RIMS1: variants seen among roughly 807,000 people sequenced by gnomAD.
RIMS1 encodes the protein regulating synaptic membrane exocytosis protein 1.
A neutral mutation model predicts 214.1 loss-of-function variants in RIMS1; 83 were observed. The observed-to-expected ratio is 0.39, with a 90% CI of 0.32 to 0.47. The LOEUF (loss-of-function observed/expected upper bound fraction) is 0.47. Among genes scored for constraint, RIMS1 ranks in the 20% least tolerant of loss-of-function variants. The pLI is 0.99. For missense variants in RIMS1, 2,050 were observed against 2,161.8 expected, an observed-to-expected ratio of 0.95 and a Z score of 1.03; for synonymous variants, 793 against 786.8, an observed-to-expected ratio of 1.01 and a Z score of -0.13.
intron 28 of RIMS1, chr6:72,317,073 G>A (rs1422244954): frequency 7.1e-6 from 3 of 424,386 alleles, no homozygotes; most frequent in Middle Eastern, 1.3e-3. Context: ...AGGAGGGCAG[G>A]GGTGGGGTGG....
intron 1 of RIMS1, among the ~76,000 whole-genome samples, chr6:71,933,041 A>G (rs748932396): frequency 6.6e-6 from 1 of 152,176 alleles, no homozygotes; most frequent in Non-Finnish European, 1.5e-5. Flanking sequence ...AGGAATTTGC[A>G]TTCTAGTGAT....
chr6:72,031,639 T>C (rs1163153512), intron 2 of RIMS1, among the ~76,000 whole-genome samples: 1 of 152,088 alleles, frequency 6.6e-6, no homozygotes, highest in Non-Finnish European at 1.5e-5. Context: ...CCTACGGCAT[T>C]ATGGTCCAGC....
intron 2 of RIMS1, among the ~76,000 whole-genome samples, chr6:71,997,261 C>G (rs550522603): frequency 3.3e-5 from 5 of 152,148 alleles, no homozygotes; most frequent in Non-Finnish European, 7.4e-5. Context: ...TCAAATTTAG[C>G]TTCATTTTAG....
At chr6:72,134,805 T>G (rs2041010568) in intron 4 of RIMS1, among the ~76,000 whole-genome samples, 1 of 152,108 alleles carries the variant, frequency 6.6e-6, no homozygotes, top group Admixed American at 6.6e-5. Flanking sequence ...TAAAAATACA[T>G]TCTCCCTCAT....
At chr6:72,293,747 T>C in intron 26 of RIMS1, among the ~76,000 whole-genome samples, 1 of 151,776 alleles carries the variant, frequency 6.6e-6, no homozygotes, top group Non-Finnish European at 1.5e-5. Flanking sequence ...GTATTGTATG[T>C]TGGATTTTGG....
At chr6:72,065,103 A>G (rs1828957413) in intron 2 of RIMS1, among the ~76,000 whole-genome samples, 1 of 152,196 alleles carries the variant, frequency 6.6e-6, no homozygotes, top group Non-Finnish European at 1.5e-5. Flanking sequence ...GTGATTAGAG[A>G]ACATGTCCTG....
At chr6:72,005,303 G>A (rs552634981) in intron 2 of RIMS1, among the ~76,000 whole-genome samples, 120 of 152,252 alleles carry the variant, frequency 7.9e-4, no homozygotes, top group African/African-American at 2.7e-3. Flanking sequence ...GTCAGGTAGC[G>A]TGATGCCTCC....
chr6:72,009,538 T>C (rs1809431951), intron 2 of RIMS1, among the ~76,000 whole-genome samples: 2 of 150,698 alleles, frequency 1.3e-5, no homozygotes, highest in Non-Finnish European at 3.0e-5. Context: ...ATCCAGGAGC[T>C]GGTTTTTTGA....
chr6:71,972,199 G>A (rs921044209), intron 2 of RIMS1, among the ~76,000 whole-genome samples: 1 of 152,202 alleles, frequency 6.6e-6, no homozygotes, highest in Non-Finnish European at 1.5e-5. Flanking sequence ...AGTGTTAAAT[G>A]CAGCAGAAAA....
rs2095614879 is a variant in RIMS1, at chr6:72,313,543, A to G, written c.4001A>G (p.Asn1334Ser). Residue 1334 changes from asparagine to serine, a missense_variant, in exon 28 of 34, where the codon AAC becomes AGC. Asn to Ser is a conservative substitution (Grantham distance 46). Coordinates refer to ENST00000521978, the MANE Select transcript of RIMS1 (RefSeq NM_014989.7). ...AAAGATCAGTACAGAAGCTGTGATAACGTCTCTGCCAAATCATCAGATAGT... is the reference window on the plus strand; with the variant it reads ...AAAGATCAGTACAGAAGCTGTGATAGCGTCTCTGCCAAATCATCAGATAGT... ...IHKDQYRSCD[N>S]VSAKSSDSDV... 2.5e-6 allele frequency: 4 copies of G among 1,613,706 alleles called. No individual in the cohort carries two copies. Among genetic ancestry groups the G allele is most frequent in the South Asian group, 1.1e-5 (1 of 91,046 alleles).
At chr6:72,249,687 G>A (rs552467311) in intron 12 of RIMS1, among the ~76,000 whole-genome samples, 32 of 152,194 alleles carry the variant, frequency 2.1e-4, no homozygotes, top group African/African-American at 7.5e-4. Context: ...TGGGAGAATT[G>A]TTGGTTCCAG....
chr6:72,087,704 C>T (rs1835020627), intron 2 of RIMS1, among the ~76,000 whole-genome samples: 1 of 152,160 alleles, frequency 6.6e-6, no homozygotes, highest in Admixed American at 6.6e-5. Flanking sequence ...TCTTGAAGGC[C>T]ATTCTTTTGA....
intron 1 of RIMS1, among the ~76,000 whole-genome samples, chr6:71,967,330 G>A (rs1172684624): frequency 1.3e-5 from 2 of 152,220 alleles, no homozygotes; most frequent in East Asian, 3.9e-4. Flanking sequence ...GGAGCTTGCA[G>A]TGAGTAGAGA....
At chr6:72,081,514 A>T (rs1337725107) in intron 2 of RIMS1, among the ~76,000 whole-genome samples, 1 of 152,150 alleles carries the variant, frequency 6.6e-6, no homozygotes, top group Non-Finnish European at 1.5e-5. Context: ...CTAGCTTTGT[A>T]TGCACTGTGA....
intron 30 of RIMS1, 31 bp from the exon 31 acceptor site, chr6:72,392,667 T>C: frequency 3.4e-6 from 5 of 1,476,334 alleles, no homozygotes; most frequent in Non-Finnish European, 3.8e-6. Flanking sequence ...TCATGGGTTT[T>C]TTCCTTTGGT....
At chr6:72,265,531 C>G (rs771039617) in intron 21 of RIMS1, 28 bp downstream of exon 21, 3 of 1,322,148 alleles carry the variant, frequency 2.3e-6, no homozygotes, top group Admixed American at 3.5e-5. Flanking sequence ...TGATATCTTC[C>G]GTTTCCCTTG....
At chr6:72,189,281 C>A (rs1319025128) in intron 6 of RIMS1, among the ~76,000 whole-genome samples, 1 of 152,196 alleles carries the variant, frequency 6.6e-6, no homozygotes, top group Non-Finnish European at 1.5e-5. Flanking sequence ...CTTCAAAAGG[C>A]CATTCCACTG....
At chr6:72,177,727 C>A (rs563999642) in intron 4 of RIMS1, among the ~76,000 whole-genome samples, 1 of 152,224 alleles carries the variant, frequency 6.6e-6, no homozygotes, top group Admixed American at 6.5e-5. Context: ...AAAAAACAAA[C>A]CAACCAACCA....
At chr6:72,155,291 G>T (rs533930538) in intron 4 of RIMS1, among the ~76,000 whole-genome samples, 1 of 139,520 alleles carries the variant, frequency 7.2e-6, no homozygotes, top group Non-Finnish European at 1.6e-5. Flanking sequence ...TTATAAAATC[G>T]AACGTCTTTA....
Sources: allele counts gnomAD v4.1 joint callset (sites outside exome capture counted in the v4.1 genomes callset), GRCh38; gene constraint gnomAD v4.1.1; transcripts MANE v1.5; gene names NCBI Gene and HGNC (gene_info 2026-07-23, HGNC 2026-07-21).